Variants in DISC1 observed in about 807,000 individuals in gnomAD.
The protein encoded by DISC1 is DISC1 scaffold protein, also known as disrupted in schizophrenia 1 protein.
DISC1 carries 57 observed loss-of-function variants against 84.5 expected under a neutral mutation model. The observed-to-expected ratio is 0.67, with a 90% CI of 0.55 to 0.84. DISC1 has a LOEUF of 0.84. DISC1 is among the 40% of genes least tolerant of loss of function. The probability of loss-of-function intolerance (pLI) is 0.00; values close to 1 mark genes in which losing one functional copy is unlikely to be tolerated. For missense variants in DISC1, 1,000 were observed against 1,057.8 expected (o/e 0.95, Z 0.76); for synonymous variants, 411 against 415.2 (o/e 0.99, Z 0.12).
At chr1:231,939,356 C>T (rs201315992) in intron 9 of DISC1, among the ~76,000 whole-genome samples, 22 of 152,192 alleles carry the variant, frequency 1.4e-4, no homozygotes, top group Admixed American at 4.6e-4. Flanking sequence ...AAATGAATGA[C>T]TCCAGCCTAA....
chr1:231,627,038 T>A, intron 1 of DISC1, 104 bp downstream of exon 1: 1 of 743,378 alleles, frequency 1.3e-6, no homozygotes, highest in Non-Finnish European at 2.0e-6. Flanking sequence ...GTGCCTCTGT[T>A]AACAACCCCT....
intron 3 of DISC1, among the ~76,000 whole-genome samples, chr1:231,721,505 C>G (rs1038279720): frequency 6.6e-6 from 1 of 152,122 alleles, no homozygotes; most frequent in South Asian, 2.1e-4. Context: ...AGATATAAAT[C>G]TTTTATTTTT....
chr1:231,859,670 A>G (rs1418834569), intron 9 of DISC1, among the ~76,000 whole-genome samples: 1 of 152,202 alleles, frequency 6.6e-6, no homozygotes, highest in African/African-American at 2.4e-5. Flanking sequence ...TATTACATCA[A>G]AATCTCTTCT....
At chr1:231,934,844 A>T (rs2090882719) in intron 9 of DISC1, among the ~76,000 whole-genome samples, 1 of 152,140 alleles carries the variant, frequency 6.6e-6, no homozygotes, top group Non-Finnish European at 1.5e-5. Flanking sequence ...CCCTCATTTG[A>T]GGGGCAGAGC....
chr1:231,935,492 A>G (rs1423607904), intron 9 of DISC1, among the ~76,000 whole-genome samples: 4 of 152,224 alleles, frequency 2.6e-5, no homozygotes, highest in Admixed American at 1.3e-4. Flanking sequence ...ATTGTTCAGC[A>G]ATAGATATTT....
chr1:231,842,525 G>A (rs1205217693), intron 9 of DISC1, among the ~76,000 whole-genome samples: 2 of 152,170 alleles, frequency 1.3e-5, no homozygotes, highest in African/African-American at 4.8e-5. Context: ...AGGTACTTTG[G>A]AGATATTATT....
At chr1:231,886,799 CTTTCTTTCTTTCT>C (rs1372172267) in intron 9 of DISC1, among the ~76,000 whole-genome samples, 4 of 142,334 alleles carry the variant, frequency 2.8e-5, no homozygotes, top group Admixed American at 7.2e-5. Context: ...TTCTTTCTTT[CTTTCTTTCTTTCT>C]TTCTTTCTTT....
chr1:231,677,473 A>G (rs2063268908), intron 1 of DISC1, among the ~76,000 whole-genome samples: 4 of 152,248 alleles, frequency 2.6e-5, no homozygotes, highest in Admixed American at 1.3e-4. Context: ...AACTCGGGGA[A>G]AGACACTAAA....
chr1:231,695,185 T>A (rs2065489767), intron 2 of DISC1, among the ~76,000 whole-genome samples: 1 of 152,210 alleles, frequency 6.6e-6, no homozygotes, highest in Non-Finnish European at 1.5e-5. Flanking sequence ...AAAATGGGGA[T>A]GCCCTCTATC....
At chr1:231,983,637 G>A (rs1318973093) in intron 10 of DISC1, among the ~76,000 whole-genome samples, 3 of 123,180 alleles carry the variant, frequency 2.4e-5, no homozygotes, top group Non-Finnish European at 3.4e-5. Context: ...GAAGGGTTGG[G>A]GGTTGGGGGG....
intron 10 of DISC1, among the ~76,000 whole-genome samples, chr1:232,008,224 A>G (rs562918639): frequency 3.6e-4 from 55 of 152,246 alleles, no homozygotes; most frequent in South Asian, 4.1e-4. Flanking sequence ...AAAGAAAACA[A>G]TAATCACATA....
At chr1:231,637,597 T>G (rs1442447041) in intron 1 of DISC1, among the ~76,000 whole-genome samples, 1 of 151,574 alleles carries the variant, frequency 6.6e-6, no homozygotes, top group Non-Finnish European at 1.5e-5. Flanking sequence ...CATGTGATAT[T>G]TGTGTTTCTG....
intron 6 of DISC1, among the ~76,000 whole-genome samples, chr1:231,773,778 T>C (rs1420441715): frequency 6.6e-6 from 1 of 152,166 alleles, no homozygotes; most frequent in Non-Finnish European, 1.5e-5. Flanking sequence ...ATCTTGAACA[T>C]GGGGCACTGC....
chr1:231,842,877 A>G (rs1178027090), intron 9 of DISC1, among the ~76,000 whole-genome samples: 1 of 152,214 alleles, frequency 6.6e-6, no homozygotes, highest in Non-Finnish European at 1.5e-5. Context: ...GGTTTGAAGG[A>G]GACTTGTGAC....
intron 10 of DISC1, among the ~76,000 whole-genome samples, chr1:231,992,599 A>G (rs1665368861): frequency 6.6e-6 from 1 of 152,198 alleles, no homozygotes; most frequent in East Asian, 1.9e-4. Context: ...AGTCAGTCAA[A>G]TAATGTAAAA....
chr1:231,766,344 G>A (rs901677241), intron 4 of DISC1, among the ~76,000 whole-genome samples: 2 of 148,338 alleles, frequency 1.3e-5, no homozygotes, highest in Admixed American at 1.4e-4. Context: ...TGAAAATTCT[G>A]CCAGGAGCTC....
chr1:231,670,012 A>G (rs2062436500), intron 1 of DISC1, among the ~76,000 whole-genome samples: 2 of 152,222 alleles, frequency 1.3e-5, no homozygotes, highest in African/African-American at 4.8e-5. Context: ...AAAATGTGGT[A>G]CATATATACC....
intron 12 of DISC1, among the ~76,000 whole-genome samples, chr1:232,029,351 A>G (rs1669781932): frequency 1.3e-5 from 2 of 152,322 alleles, no homozygotes; most frequent in Non-Finnish European, 1.5e-5. Flanking sequence ...TGAGTGGAAC[A>G]TTATGCCCTA....
chr1:231,714,449 C>T (rs549714271), intron 3 of DISC1, among the ~76,000 whole-genome samples: 4 of 152,234 alleles, frequency 2.6e-5, no homozygotes, highest in Non-Finnish European at 2.9e-5. Flanking sequence ...TAACTCCAAA[C>T]TGTGCAATGA....
Sources: gnomAD v4.1 joint callset for allele counts (sites outside exome capture counted in the v4.1 genomes callset) on GRCh38, gnomAD v4.1.1 for gene constraint, MANE v1.5 for transcripts, NCBI Gene and HGNC (gene_info 2026-07-23, HGNC 2026-07-21) for gene names.